JAZF1: variants seen among roughly 807,000 people sequenced by gnomAD.
JAZF1 encodes the protein JAZF zinc finger 1, also known as juxtaposed with another zinc finger protein 1.
Under a neutral mutation model 26.4 loss-of-function variants are expected in JAZF1, and 8 were observed. That is an observed-to-expected ratio of 0.30 (90% CI 0.18 to 0.55). JAZF1 has a LOEUF of 0.55. JAZF1 is among the 20% of genes least tolerant of loss of function. The pLI is 0.94. For missense variants in JAZF1, 199 were observed against 322.0 expected (o/e 0.62, Z 2.92); for synonymous variants, 126 against 122.3 (o/e 1.03, Z -0.20).
rs57661404 is a variant in JAZF1, at chr7:27,988,920, TAAA to T, written c.188+2986_188+2988del. Among the ~76,000 whole-genome samples the T allele has an allele frequency of 8.4e-3, 700 of 83,744 alleles. 9 individuals are homozygous for T. Among genetic ancestry groups the T allele is most frequent in the South Asian group, 0.018 (35 of 1,916 alleles). The allele number at this position is 83,744 out of a possible 152,430, so 54.9% of individuals were successfully genotyped here. On this transcript the variant is annotated intron_variant, in intron 2 of 4. Coordinates refer to ENST00000283928, the MANE Select transcript of JAZF1 (RefSeq NM_175061.4). The stretch of plus-strand genomic sequence containing the variant: ...TTTTTTAAATTAAAAAGAATCTCTG[TAAA>T]AAAAAAAAAAAAAAAAAAAAAGTTC...
intron 1 of JAZF1, among the ~76,000 whole-genome samples, chr7:28,086,761 T>C (rs1156835376): frequency 6.6e-6 from 1 of 152,226 alleles, no homozygotes; most frequent in East Asian, 1.9e-4. Flanking sequence ...AGAAAATCAA[T>C]TTCCTTCTAC....
intron 3 of JAZF1, among the ~76,000 whole-genome samples, chr7:27,866,160 A>G (rs1783469275): frequency 6.6e-6 from 1 of 152,264 alleles, no homozygotes; most frequent in East Asian, 1.9e-4. Flanking sequence ...CAGTGCACGT[A>G]GGCATTTGTA....
intron 3 of JAZF1, among the ~76,000 whole-genome samples, chr7:27,849,819 G>A (rs370583335): frequency 2.6e-4 from 34 of 131,044 alleles, no homozygotes; most frequent in African/African-American, 1.1e-3. Flanking sequence ...AGCCCACATC[G>A]CCATCCAGGG....
chr7:28,126,985 C>G (rs947172080), intron 1 of JAZF1, among the ~76,000 whole-genome samples: 1 of 152,216 alleles, frequency 6.6e-6, no homozygotes, highest in East Asian at 1.9e-4. Flanking sequence ...AATGGCTTTT[C>G]TGGCCAAAGC....
chr7:27,954,866 T>G (rs1238063478), intron 2 of JAZF1, among the ~76,000 whole-genome samples: 6 of 152,200 alleles, frequency 3.9e-5, no homozygotes, highest in African/African-American at 1.4e-4. Context: ...CAAGGGATTC[T>G]CCTGTCTCAG....
chr7:28,136,788 A>G (rs556268933), intron 1 of JAZF1, among the ~76,000 whole-genome samples: 3 of 152,322 alleles, frequency 2.0e-5, no homozygotes, highest in Admixed American at 1.3e-4. Context: ...TCAGGGACAA[A>G]GGTATGTCTA....
intron 2 of JAZF1, among the ~76,000 whole-genome samples, chr7:27,986,903 C>T (rs536332671): frequency 3.9e-4 from 60 of 152,266 alleles, no homozygotes; most frequent in African/African-American, 1.3e-3. Flanking sequence ...GTGATCTGCC[C>T]GCCTGGGCCT....
chr7:28,087,412 T>G (rs1443590553), intron 1 of JAZF1, among the ~76,000 whole-genome samples: 1 of 152,152 alleles, frequency 6.6e-6, no homozygotes, highest in African/African-American at 2.4e-5. Flanking sequence ...TGATCCCTAA[T>G]TTTTGTCTAG....
intron 3 of JAZF1, among the ~76,000 whole-genome samples, chr7:27,865,053 A>T (rs1429971016): frequency 6.6e-6 from 1 of 152,182 alleles, no homozygotes; most frequent in Admixed American, 6.5e-5. Context: ...GACAGAATGG[A>T]ATAGAGAGTA....
At chr7:28,106,507 C>T (rs1017453748) in intron 1 of JAZF1, among the ~76,000 whole-genome samples, 3 of 152,158 alleles carry the variant, frequency 2.0e-5, no homozygotes, top group South Asian at 2.1e-4. Context: ...CCTCATTATA[C>T]ACCCAAGCCT....
intron 2 of JAZF1, among the ~76,000 whole-genome samples, chr7:27,919,203 G>C (rs1428604559): frequency 6.6e-6 from 1 of 152,146 alleles, no homozygotes; most frequent in Non-Finnish European, 1.5e-5. Context: ...TACAATTTTT[G>C]AGCTCTTAGG....
chr7:28,015,734 C>T (rs1782879235), intron 1 of JAZF1, among the ~76,000 whole-genome samples: 1 of 152,228 alleles, frequency 6.6e-6, no homozygotes, highest in Non-Finnish European at 1.5e-5. Flanking sequence ...ACTGTGCTTA[C>T]AGCAGGCCTG....
At chr7:28,059,874 G>T (rs1720057386) in intron 1 of JAZF1, among the ~76,000 whole-genome samples, 1 of 152,022 alleles carries the variant, frequency 6.6e-6, no homozygotes, top group Admixed American at 6.6e-5. Flanking sequence ...CTGCTTAAGG[G>T]TTTTCTCTTT....
At chr7:27,849,681 T>TAGAA (rs1348497501) in intron 3 of JAZF1, among the ~76,000 whole-genome samples, 44 of 151,962 alleles carry the variant, frequency 2.9e-4, no homozygotes, top group Non-Finnish European at 4.7e-4. Context: ...GGGGAGCTTC[T>TAGAA]ACTGGTTGTT....
intron 1 of JAZF1, among the ~76,000 whole-genome samples, chr7:28,026,210 G>C (rs1161657130): frequency 6.6e-6 from 1 of 152,108 alleles, no homozygotes; most frequent in East Asian, 1.9e-4. Context: ...TTCTAAAGAT[G>C]AATCTAAGGA....
rs552275216 is a variant in JAZF1, at chr7:27,881,064, A to C, written c.385+14156T>G. Among the ~76,000 whole-genome samples the C allele has an allele frequency of 2.0e-5, 3 of 152,376 alleles. No homozygotes were observed. The South Asian group carries it at 6.2e-4, about 32-fold the overall frequency. The stretch of plus-strand genomic sequence containing the variant: ...TTTCTGTAATGCATATTTATTATAC[A>C]GTTATTCCAGAAATGGTCTCATTTT... On this transcript the variant is annotated intron_variant, in intron 3 of 4. Coordinates refer to ENST00000283928, the MANE Select transcript of JAZF1 (RefSeq NM_175061.4).
At chr7:28,066,667 AGAT>A (rs1300684611) in intron 1 of JAZF1, among the ~76,000 whole-genome samples, 1 of 151,522 alleles carries the variant, frequency 6.6e-6, no homozygotes, top group Non-Finnish European at 1.5e-5. Flanking sequence ...CCATCAAACC[AGAT>A]GATGATCCTC....
chr7:27,888,053 A>ACACAGGCG (rs551685642), intron 3 of JAZF1, among the ~76,000 whole-genome samples: 232 of 152,352 alleles, frequency 1.5e-3, no homozygotes, highest in African/African-American at 5.2e-3. Flanking sequence ...GACCTACAGA[A>ACACAGGCG]CACAGGCGGA....
At chr7:28,040,023 T>C (rs775079393) in intron 1 of JAZF1, among the ~76,000 whole-genome samples, 11 of 152,214 alleles carry the variant, frequency 7.2e-5, no homozygotes, top group Non-Finnish European at 1.5e-4. Context: ...AAAGTTAGCC[T>C]TTCAGAAAGT....
Sources: gnomAD v4.1 joint callset for allele counts (sites outside exome capture counted in the v4.1 genomes callset) on GRCh38, gnomAD v4.1.1 for gene constraint, MANE v1.5 for transcripts, NCBI Gene and HGNC (gene_info 2026-07-23, HGNC 2026-07-21) for gene names.